The following CAPN5 variants were observed in gnomAD, a reference collection of about 807,000 sequenced individuals.
CAPN5 encodes the protein calpain-5.
A neutral mutation model predicts 73.0 loss-of-function variants in CAPN5; 54 were observed. That is an observed-to-expected ratio of 0.74 (90% CI 0.59 to 0.93). The LOEUF (loss-of-function observed/expected upper bound fraction) is 0.93, where lower values mean the gene tolerates loss of function less well. CAPN5 is among the 40% of genes least tolerant of loss of function. The probability of loss-of-function intolerance (pLI) is 0.00; values close to 1 mark genes in which losing one functional copy is unlikely to be tolerated. For missense variants in CAPN5, 785 were observed against 882.9 expected (o/e 0.89, Z 1.41); for synonymous variants, 335 against 356.9 (o/e 0.94, Z 0.69).
At chr11:77,081,834 G>A (rs565778124) in intron 1 of CAPN5, among the ~76,000 whole-genome samples, 115 of 152,204 alleles carry the variant, frequency 7.6e-4, no homozygotes, top group Middle Eastern at 3.4e-3. Context: ...TGAAGGGGTG[G>A]GCCCTGCTGC....
chr11:77,079,330 G>A (rs1312185105), intron 1 of CAPN5, among the ~76,000 whole-genome samples: 1 of 152,074 alleles, frequency 6.6e-6, no homozygotes, highest in South Asian at 2.1e-4. Context: ...TTTTCTTGTA[G>A]TGTCTTTATC....
intron 3 of CAPN5, among the ~76,000 whole-genome samples, chr11:77,109,733 C>T (rs1212110668): frequency 6.6e-6 from 1 of 152,324 alleles, no homozygotes; most frequent in South Asian, 2.1e-4. Flanking sequence ...TTGGGGCCCA[C>T]CCCGTGCCAG....
intron 3 of CAPN5, among the ~76,000 whole-genome samples, chr11:77,104,861 G>A (rs1950327314): frequency 6.6e-6 from 1 of 152,240 alleles, no homozygotes; most frequent in Admixed American, 6.5e-5. Flanking sequence ...CCGGGAGGGT[G>A]AGCCCCACCT....
rs782660724 is a variant in CAPN5, at chr11:77,093,669, G to A, written c.166-13G>A. On this transcript the variant is annotated splice_polypyrimidine_tract_variant and intron_variant, in intron 2 of 12. Transcript: ENST00000648180. ...CCTCCGCCCCTCACGCTCTCTCCTCGCCTTCTCCGCAGGGCATCTGCGAGG... is the reference window on the plus strand; with the variant it reads ...CCTCCGCCCCTCACGCTCTCTCCTCACCTTCTCCGCAGGGCATCTGCGAGG... 1.2e-4 allele frequency: 190 copies of A among 1,569,862 alleles called. No homozygotes were observed. Among genetic ancestry groups the A allele is most frequent in the South Asian group, 2.1e-4 (18 of 86,680 alleles).
At chr11:77,120,387 T>C (rs1043323934) in intron 9 of CAPN5, 22 of 242,886 alleles carry the variant, frequency 9.1e-5, no homozygotes, top group African/African-American at 3.8e-4. Context: ...TCACAGAGCA[T>C]GCAATTCAGC....
chr11:77,076,630 T>C (rs868972837), intron 1 of CAPN5, among the ~76,000 whole-genome samples: 7 of 152,252 alleles, frequency 4.6e-5, no homozygotes, highest in African/African-American at 1.7e-4. Flanking sequence ...TGTCTTTCTG[T>C]GTCTGGCTTA....
At position 77,086,953 on chromosome 11, in the gene CAPN5, A is replaced by T. The variant is rs116168114; in HGVS notation, c.165+1902A>T. On this transcript the variant is annotated intron_variant, in intron 2 of 12. Coordinates refer to ENST00000648180, the MANE Select transcript of CAPN5 (RefSeq NM_004055.5). ...CTTGTGGGTTCAGGAGCCATGCCAC[A>T]CCTCCTCCTCTCGTTGCCTTCCTCG... Among the ~76,000 whole-genome samples the T allele has an allele frequency of 2.8e-3, 421 of 151,956 alleles. 1 individual carries two copies. Among genetic ancestry groups the T allele is most frequent in the African/African-American group, 8.2e-3 (341 of 41,422 alleles).
At chr11:77,109,701 G>T (rs1367442209) in intron 3 of CAPN5, among the ~76,000 whole-genome samples, 1 of 152,222 alleles carries the variant, frequency 6.6e-6, no homozygotes, top group Non-Finnish European at 1.5e-5. Flanking sequence ...CAGCAGAGCA[G>T]CTGAGGGGTG....
chr11:77,083,782 G>A (rs1950052329), intron 1 of CAPN5, among the ~76,000 whole-genome samples: 1 of 152,192 alleles, frequency 6.6e-6, no homozygotes, highest in African/African-American at 2.4e-5. Flanking sequence ...AACGGGCTCA[G>A]AGAGTTCACA....
chr11:77,105,174 G>A (rs1301552730), intron 3 of CAPN5, among the ~76,000 whole-genome samples: 5 of 151,508 alleles, frequency 3.3e-5, no homozygotes, highest in Non-Finnish European at 5.9e-5. Flanking sequence ...TGCTGTGCCC[G>A]CTGCAGGTCC....
chr11:77,124,109 A>C lies in CAPN5; in HGVS notation c.*239A>C, dbSNP rs1950550810. On this transcript the variant is annotated 3_prime_UTR_variant, in exon 13 of 13. Coordinates refer to ENST00000648180, the MANE Select transcript of CAPN5 (RefSeq NM_004055.5). ...GATTTCAAATAGTCCTCCCCACCTC[A>C]ACTGTCACCACTGCTAAGGGACTCT... 1 of 553,550 alleles carries C rather than the reference A, an allele frequency of 1.8e-6. No homozygotes were observed. Among genetic ancestry groups the C allele is most frequent in the Non-Finnish European group, 3.2e-6 (1 of 310,808 alleles). 34.3% of individuals were successfully genotyped at this position (553,550 alleles called of 1,614,324 possible).
chr11:77,093,951 A>G (rs1325577854), intron 3 of CAPN5, 138 bp downstream of exon 3: 2 of 1,228,654 alleles, frequency 1.6e-6, no homozygotes, highest in African/African-American at 1.5e-5. Context: ...GGGGGCCCCC[A>G]GTACTGGCCG....
intron 1 of CAPN5, among the ~76,000 whole-genome samples, chr11:77,073,391 T>A (rs1270951073): frequency 1.3e-5 from 2 of 151,874 alleles, no homozygotes; most frequent in African/African-American, 4.8e-5. Context: ...AGATGCTGCT[T>A]ACAACAGCGG....
chr11:77,075,915 C>T (rs1318650972), intron 1 of CAPN5, among the ~76,000 whole-genome samples: 1 of 151,960 alleles, frequency 6.6e-6, no homozygotes, highest in African/African-American at 2.4e-5. Flanking sequence ...CTTTGCTTGT[C>T]TTAAAAAAAT....
chr11:77,112,502 C>A, intron 3 of CAPN5, 87 bp from the exon 4 acceptor site: 2 of 1,028,280 alleles, frequency 1.9e-6, no homozygotes, highest in South Asian at 1.3e-5. Flanking sequence ...CATTCCGATT[C>A]GCTGGAAGCA....
At chr11:77,101,757 A>G (rs12421551) in intron 3 of CAPN5, among the ~76,000 whole-genome samples, 41,548 of 150,932 alleles carry the variant, frequency 0.28, 5,944 homozygotes, top group African/African-American at 0.37. Context: ...TCCCATCCCC[A>G]CTCTCTCCCC....
intron 2 of CAPN5, among the ~76,000 whole-genome samples, chr11:77,085,788 G>A (rs1394283598): frequency 6.6e-6 from 1 of 152,172 alleles, no homozygotes; most frequent in Non-Finnish European, 1.5e-5. Flanking sequence ...CTTGTCTGTG[G>A]GTCCTGCAGA....
intron 3 of CAPN5, among the ~76,000 whole-genome samples, chr11:77,096,310 G>A (rs1233840684): frequency 6.6e-6 from 1 of 152,188 alleles, no homozygotes; most frequent in African/African-American, 2.4e-5. Flanking sequence ...AAGCCAGCCT[G>A]ACCTGGATTT....
At chr11:77,083,404 G>A (rs1402758065) in intron 1 of CAPN5, among the ~76,000 whole-genome samples, 2 of 152,170 alleles carry the variant, frequency 1.3e-5, no homozygotes, top group East Asian at 3.9e-4. Flanking sequence ...GGTGTGTGGG[G>A]AGACCCTAAG....
Sources: gnomAD v4.1 joint callset for allele counts (sites outside exome capture counted in the v4.1 genomes callset) on GRCh38, gnomAD v4.1.1 for gene constraint, MANE v1.5 for transcripts, NCBI Gene and HGNC (gene_info 2026-07-23, HGNC 2026-07-21) for gene names.